Variants in MRPS6 observed in about 807,000 individuals in gnomAD.
MRPS6 encodes the protein mitochondrial ribosomal protein S6, also known as small ribosomal subunit protein bS6m.
A neutral mutation model predicts 13.1 loss-of-function variants in MRPS6; 6 were observed. That is an observed-to-expected ratio of 0.46 (90% confidence interval 0.25 to 0.91). MRPS6 has a LOEUF of 0.91. MRPS6 is among the 40% of genes least tolerant of loss of function. The pLI is 0.18. For missense variants in MRPS6, 164 were observed against 155.6 expected (o/e 1.05, Z -0.29); for synonymous variants, 61 against 56.5 (o/e 1.08, Z -0.36).
At chr21:34,133,009 G>A (rs905714264) in intron 2 of MRPS6, among the ~76,000 whole-genome samples, 1 of 152,246 alleles carries the variant, frequency 6.6e-6, no homozygotes, top group East Asian at 1.9e-4. Context: ...ACTCCTAGAG[G>A]AGTATTGTTG....
chr21:34,112,593 C>G lies in MRPS6; in HGVS notation c.46-12748C>G, dbSNP rs146396525. On this transcript the variant is annotated intron_variant, in intron 1 of 2. Transcript: ENST00000399312. The stretch of plus-strand genomic sequence containing the variant: ...CTCCCTCCCCACACCTATTCTCTCC[C>G]CACTATCCCCTGGCTCAGACAATTA... 2.2e-3 allele frequency among the ~76,000 whole-genome samples: 334 copies of G among 152,218 alleles called. 2 individuals carry two copies. Among genetic ancestry groups the G allele is most frequent in the African/African-American group, 7.8e-3 (322 of 41,538 alleles).
Position 34,104,811 on chromosome 21 carries a change from A to G in MRPS6, c.46-20530A>G, listed in dbSNP as rs941597112. 27 of 999,950 alleles carry G rather than the reference A, an allele frequency of 2.7e-5. No individual in the cohort carries two copies. The South Asian group carries it at 4.2e-4, about 16-fold the overall frequency. The allele number at this position is 999,950 out of a possible 1,614,324, so 61.9% of individuals were successfully genotyped here. ...TTATAACCTGTTAATCCTACGTACTATGTGTTCTGTACCTTTACATGTTTT... is the reference window on the plus strand; with the variant it reads ...TTATAACCTGTTAATCCTACGTACTGTGTGTTCTGTACCTTTACATGTTTT... On this transcript the variant is annotated intron_variant, in intron 1 of 2. Transcript: ENST00000399312.
Position 34,085,056 on chromosome 21 carries a change from A to T in MRPS6, c.45+11311A>T, listed in dbSNP as rs370358117. Among the ~76,000 whole-genome samples the T allele has an allele frequency of 3.9e-5, 6 of 152,330 alleles. No homozygotes were observed. In the East Asian group the frequency reaches 1.2e-3, roughly 29 times the overall value. On this transcript the variant is annotated intron_variant, in intron 1 of 2. Coordinates refer to ENST00000399312, the MANE Select transcript of MRPS6 (RefSeq NM_032476.4). ...CATTGATACGATACTACCACCAAAT[A>T]TTCAATTCATATAGAAATTTACGCT... is the stretch of plus-strand genomic sequence containing the variant.
At chr21:34,134,617 C>A (rs906419337) in intron 2 of MRPS6, among the ~76,000 whole-genome samples, 2 of 152,188 alleles carry the variant, frequency 1.3e-5, no homozygotes, top group African/African-American at 2.4e-5. Flanking sequence ...ATATTTGTCA[C>A]CCCTAAAATT....
intron 1 of MRPS6, among the ~76,000 whole-genome samples, chr21:34,082,696 A>G (rs1387190280): frequency 1.3e-5 from 2 of 152,186 alleles, no homozygotes; most frequent in Non-Finnish European, 2.9e-5. Flanking sequence ...GTTTCCATAA[A>G]ATAGAAGCCA....
At chr21:34,112,238 C>A (rs1218926979) in intron 1 of MRPS6, among the ~76,000 whole-genome samples, 1 of 151,996 alleles carries the variant, frequency 6.6e-6, no homozygotes, top group Non-Finnish European at 1.5e-5. Flanking sequence ...ATTTATTGAA[C>A]GTGTATTGTA....
intron 1 of MRPS6, chr21:34,105,529 A>G (rs879068919): frequency 5.0e-6 from 5 of 999,700 alleles, no homozygotes; most frequent in Non-Finnish European, 6.0e-6. Flanking sequence ...ACATTGAAAC[A>G]TGTTCTTCCC....
chr21:34,101,454 G>A (rs1267198755), intron 1 of MRPS6: 2 of 1,000,056 alleles, frequency 2.0e-6, no homozygotes, highest in Non-Finnish European at 2.4e-6. Context: ...ATGCTAGGTT[G>A]TTGAAGGCAT....
At chr21:34,135,138 A>G (rs568076312) in intron 2 of MRPS6, among the ~76,000 whole-genome samples, 2 of 152,184 alleles carry the variant, frequency 1.3e-5, no homozygotes, top group South Asian at 4.1e-4. Flanking sequence ...GCTGAGTAGT[A>G]TGGCATTGTA....
At chr21:34,121,315 T>C (rs1980111594) in intron 1 of MRPS6, among the ~76,000 whole-genome samples, 1 of 152,174 alleles carries the variant, frequency 6.6e-6, no homozygotes, top group South Asian at 2.1e-4. Flanking sequence ...ATGTGAAGCT[T>C]GTAGCAACAG....
chr21:34,091,905 C>T (rs1245694129), intron 1 of MRPS6, among the ~76,000 whole-genome samples: 2 of 134,484 alleles, frequency 1.5e-5, no homozygotes, highest in Non-Finnish European at 3.1e-5. Context: ...ACATGCTTTT[C>T]ATAACTATAC....
At chr21:34,138,867 G>C (rs916091676) in intron 2 of MRPS6, among the ~76,000 whole-genome samples, 2 of 152,006 alleles carry the variant, frequency 1.3e-5, no homozygotes, top group African/African-American at 4.8e-5. Flanking sequence ...AAATCATGCT[G>C]CTATAAAGAC....
chr21:34,103,628 G>C, intron 1 of MRPS6: 2 of 1,000,058 alleles, frequency 2.0e-6, no homozygotes, highest in Non-Finnish European at 2.4e-6. Context: ...AAGACTAATA[G>C]TATTCTCTGT....
chr21:34,078,137 A>G (rs1400001004), intron 1 of MRPS6, among the ~76,000 whole-genome samples: 2 of 152,238 alleles, frequency 1.3e-5, no homozygotes, highest in East Asian at 3.9e-4. Flanking sequence ...CTAGCTGTCA[A>G]GTGGTCTTTT....
chr21:34,078,337 G>A (rs1012798664), intron 1 of MRPS6, among the ~76,000 whole-genome samples: 3 of 152,160 alleles, frequency 2.0e-5, no homozygotes, highest in Admixed American at 6.5e-5. Flanking sequence ...GCCGCAGCAA[G>A]CTATTGAAGA....
Position 34,104,645 on chromosome 21 carries a change from G to A in MRPS6, c.46-20696G>A, listed in dbSNP as rs896798193. The A allele has an allele frequency of 4.0e-6, 4 of 1,000,122 alleles. No homozygotes were observed. In the Admixed American group the frequency reaches 2.5e-4, roughly 62 times the overall value. The allele number at this position is 1,000,122 out of a possible 1,614,324, so 62.0% of individuals were successfully genotyped here. The stretch of plus-strand genomic sequence containing the variant: ...GATTATTCTTGCCAGCAAAAAGCTA[G>A]CCAGGAATGAGCCTACCACATTATT... On this transcript the variant is annotated intron_variant, in intron 1 of 2. Transcript: ENST00000399312.
rs1185269716 is a variant in MRPS6 at position 34,096,497 on chromosome 21, A to G, written c.45+22752A>G. The G allele has an allele frequency of 3.7e-6, 6 of 1,614,172 alleles. No individual in the cohort carries two copies. The highest frequency in any genetic ancestry group is 5.1e-6 in the Non-Finnish European group (6 of 1,180,014). On this transcript the variant is annotated intron_variant, in intron 1 of 2. Coordinates refer to ENST00000399312, the MANE Select transcript of MRPS6 (RefSeq NM_032476.4). The surrounding 1 kb of genome is among the most constrained non-coding windows in gnomAD (Gnocchi z 5.9). ...GGGTGCCAATCATCGTGGAGATGCA[A>G]GGAGGCCAGATGTACCTTTACATTC...
chr21:34,116,976 G>A (rs972869204), intron 1 of MRPS6, among the ~76,000 whole-genome samples: 5 of 152,078 alleles, frequency 3.3e-5, no homozygotes, highest in Non-Finnish European at 7.4e-5. Context: ...AGAACCTTCC[G>A]ACCTTTCAGA....
chr21:34,141,701 G>T (rs892970607), intron 2 of MRPS6, among the ~76,000 whole-genome samples: 1 of 152,190 alleles, frequency 6.6e-6, no homozygotes, highest in Non-Finnish European at 1.5e-5. Context: ...GGTCTGAGAG[G>T]AGCCAGGAGT....
Sources: gnomAD v4.1 joint callset for allele counts (sites outside exome capture counted in the v4.1 genomes callset) on GRCh38, gnomAD v4.1.1 for gene constraint, Gnocchi (gnomAD v3.1) non-coding constraint, MANE v1.5 for transcripts, NCBI Gene and HGNC (gene_info 2026-07-23, HGNC 2026-07-21) for gene names.